Variants in XPO1 observed in about 807,000 individuals in gnomAD.
XPO1 encodes exportin-1.
XPO1 carries 5 observed loss-of-function variants against 133.3 expected under a neutral mutation model. The ratio of observed to expected loss-of-function variants is 0.04; its 90% CI spans 0.02 to 0.08. The LOEUF is 0.08. Ranked by LOEUF, XPO1 falls within the 10% of genes least tolerant of loss-of-function variation. The pLI is 1.00. For synonymous variants in XPO1, 419 were observed against 408.2 expected, an observed-to-expected ratio of 1.03 and a Z score of -0.32; for missense variants, 506 against 1,267.5, an observed-to-expected ratio of 0.40 and a Z score of 9.12.
intron 4 of XPO1, among the ~76,000 whole-genome samples, chr2:61,515,973 A>AC (rs1558664414): frequency 6.9e-6 from 1 of 145,264 alleles, no homozygotes; most frequent in Non-Finnish European, 1.5e-5. Context: ...ACACACACAC[A>AC]AAATTAGCCA....
At chr2:61,486,495 C>T (rs111570527) in intron 19 of XPO1, among the ~76,000 whole-genome samples, 235 of 152,244 alleles carry the variant, frequency 1.5e-3, no homozygotes, top group Non-Finnish European at 2.8e-3. Context: ...CTTGCTCTGT[C>T]GCCCAGGCTG....
At chr2:61,483,398 C>A (rs1429132955) in intron 21 of XPO1, 2 of 266,864 alleles carry the variant, frequency 7.5e-6, no homozygotes, top group Non-Finnish European at 1.4e-5. Flanking sequence ...GATAAGACTA[C>A]ACATAAGGTG....
intron 23 of XPO1, 30 bp downstream of exon 23, chr2:61,482,350 C>A: frequency 6.4e-7 from 1 of 1,563,350 alleles, no homozygotes; most frequent in South Asian, 1.2e-5. Flanking sequence ...CGACCAGGAA[C>A]ATTCTACGTT....
chr2:61,504,787 ATAATTTTTAT>A (rs1317558319), intron 4 of XPO1, among the ~76,000 whole-genome samples: 1 of 152,226 alleles, frequency 6.6e-6, no homozygotes, highest in Admixed American at 6.5e-5. Flanking sequence ...ACTTAATTAT[ATAATTTTTAT>A]TAACTATGAC....
intron 1 of XPO1, chr2:61,536,920 C>G (rs1187956227): frequency 2.0e-5 from 3 of 152,318 alleles, no homozygotes; most frequent in African/African-American, 7.2e-5. Flanking sequence ...ACAAGGCCAA[C>G]AGTAAATGGT....
At chr2:61,521,218 T>G (rs189980460) in intron 4 of XPO1, among the ~76,000 whole-genome samples, 1 of 152,328 alleles carries the variant, frequency 6.6e-6, no homozygotes, top group Non-Finnish European at 1.5e-5. Flanking sequence ...CATTAAAATC[T>G]CATCACATTC....
In XPO1 at chr2:61,492,819, G is replaced by T; in HGVS notation, c.1385-71C>A. On this transcript the variant is annotated intron_variant, in intron 13 of 24. Coordinates refer to ENST00000401558, the MANE Select transcript of XPO1 (RefSeq NM_003400.4). The surrounding 1 kb of genome is among the most constrained non-coding windows in gnomAD (Gnocchi z 5.6). ...TTATTGATGAGTAACAATACATTTA[G>T]AAAATATTTAGAAACTACAAGTACA... 6.4e-7 allele frequency: 1 copy of T among 1,562,354 alleles called. No homozygotes were observed. The highest frequency in any genetic ancestry group is 1.2e-5 in the South Asian group (1 of 84,282).
intron 11 of XPO1, 33 bp downstream of exon 11, chr2:61,495,422 G>A: frequency 2.0e-6 from 3 of 1,486,850 alleles, no homozygotes; most frequent in South Asian, 1.4e-5. Flanking sequence ...AGGCAGAGCA[G>A]AATTTTAGGA....
chr2:61,483,308 C>T, intron 21 of XPO1: 1 of 484,772 alleles, frequency 2.1e-6, no homozygotes, highest in African/African-American at 2.0e-5. Context: ...TGTGTGAGAG[C>T]TAAACTGTGA....
chr2:61,481,112 A>C (rs1573096643), intron 24 of XPO1, 73 bp downstream of exon 24: 2 of 936,854 alleles, frequency 2.1e-6, no homozygotes, highest in South Asian at 3.9e-5. Flanking sequence ...TCAAGTGATA[A>C]AAATTCTACA....
chr2:61,507,990 A>G (rs1402006372), intron 4 of XPO1, among the ~76,000 whole-genome samples: 1 of 152,200 alleles, frequency 6.6e-6, no homozygotes. Context: ...ATGGATTCAG[A>G]TACTGACTTA....
chr2:61,498,082 C>A (rs1697331083), intron 9 of XPO1, among the ~76,000 whole-genome samples: 1 of 152,204 alleles, frequency 6.6e-6, no homozygotes, highest in Non-Finnish European at 1.5e-5. Context: ...GTGATTATCT[C>A]TGGATAAACC....
At position 61,498,769 on chromosome 2, in the gene XPO1, A is replaced by G; in HGVS notation, c.663T>C (p.Leu221=). ...GCAATGTTTCCAAGGTTGCATGTAC[A>G]AGTGGAGCATTTTGAGAATTTTCCT... is the stretch of plus-strand genomic sequence containing the variant. The part of the protein sequence containing the change: ...FVMENSQNAP[L]VHATLETLLR... The change falls in exon 9 of 25, where the codon CTT becomes CTC. Residue 221 remains leucine (L), a synonymous_variant. Coordinates refer to ENST00000401558, the MANE Select transcript of XPO1 (RefSeq NM_003400.4). The G allele has an allele frequency of 6.2e-7, 1 of 1,614,046 alleles. No individual in the cohort carries two copies. Among genetic ancestry groups the G allele is most frequent in the Non-Finnish European group, 8.5e-7 (1 of 1,179,980 alleles).
At chr2:61,509,380 G>A (rs986733907) in intron 4 of XPO1, among the ~76,000 whole-genome samples, 5 of 152,114 alleles carry the variant, frequency 3.3e-5, no homozygotes, top group Admixed American at 1.3e-4. Flanking sequence ...GCTCACGCCT[G>A]TAATCCCAAC....
intron 4 of XPO1, among the ~76,000 whole-genome samples, chr2:61,516,491 C>T (rs142066465): frequency 3.3e-5 from 5 of 151,848 alleles, no homozygotes; most frequent in Admixed American, 2.0e-4. Context: ...CTCAGCTCAC[C>T]GCGACCTCTG....
intron 20 of XPO1, chr2:61,485,100 G>C (rs1696615677): frequency 6.6e-6 from 1 of 152,200 alleles, no homozygotes; most frequent in African/African-American, 2.4e-5. Context: ...GGCTGGTCTT[G>C]AACTCCCGAC....
chr2:61,478,267 T>C lies in XPO1; in HGVS notation c.*553A>G, dbSNP rs2104182237. The stretch of plus-strand genomic sequence containing the variant: ...TTTTTGAAGTCGCTTTACAATGGGA[T>C]GATATGCACATGATCTTGCTGCAAT... On this transcript the variant is annotated 3_prime_UTR_variant, in exon 25 of 25. Coordinates refer to ENST00000401558, the MANE Select transcript of XPO1 (RefSeq NM_003400.4). 4.3e-6 allele frequency: 1 copy of C among 233,822 alleles called. No homozygotes were observed. The highest frequency in any genetic ancestry group is 1.3e-3 in the Middle Eastern group (1 of 786). 14.5% of individuals were successfully genotyped at this position (233,822 alleles called of 1,614,324 possible). A position where few individuals can be genotyped will look rare whatever the true frequency, so the allele number is the denominator to read the frequency against.
chr2:61,499,575 A>G, intron 7 of XPO1, 138 bp downstream of exon 7: 1 of 793,908 alleles, frequency 1.3e-6, no homozygotes, highest in Admixed American at 3.5e-5. Flanking sequence ...CTATTTCTTA[A>G]TCTGCAGTTG....
At chr2:61,522,542 A>G (rs544899604) in intron 4 of XPO1, 69 bp downstream of exon 4, 236 of 1,370,350 alleles carry the variant, frequency 1.7e-4, no homozygotes, top group Non-Finnish European at 2.1e-4. Flanking sequence ...ATGCCCCCTC[A>G]AACAGTCAAC....
Sources: allele counts gnomAD v4.1 joint callset (sites outside exome capture counted in the v4.1 genomes callset), GRCh38; gene constraint gnomAD v4.1.1; non-coding constraint Gnocchi (gnomAD v3.1); transcripts MANE v1.5; gene names NCBI Gene and HGNC (gene_info 2026-07-23, HGNC 2026-07-21).